CTBP2: variants seen among roughly 807,000 people sequenced by gnomAD.
CTBP2 encodes C-terminal binding protein 2, also known as C-terminal-binding protein 2.
CTBP2 carries 30 observed loss-of-function variants against 80.3 expected under a neutral mutation model. The observed-to-expected ratio is 0.37, with a 90% confidence interval of 0.28 to 0.51. The LOEUF is 0.51. CTBP2 is among the 20% of genes least tolerant of loss of function. CTBP2 has a pLI of 0.93. For synonymous variants in CTBP2, 594 were observed against 587.4 expected, an observed-to-expected ratio of 1.01 and a Z score of -0.16; for missense variants, 1,212 against 1,375.3, an observed-to-expected ratio of 0.88 and a Z score of 1.88.
intron 2 of CTBP2, among the ~76,000 whole-genome samples, chr10:125,106,250 C>T (rs1851436569): frequency 7.0e-6 from 1 of 143,746 alleles, no homozygotes; most frequent in Non-Finnish European, 1.5e-5. Context: ...CCTCCCACAA[C>T]CCTGGGTGTG....
intron 1 of CTBP2, among the ~76,000 whole-genome samples, chr10:125,117,373 C>T (rs987307586): frequency 6.6e-6 from 1 of 152,158 alleles, no homozygotes. Flanking sequence ...CCACCGAGCA[C>T]CACACAGTGG....
chr10:125,010,143 G>C (rs1204653336), intron 1 of CTBP2, among the ~76,000 whole-genome samples: 1 of 151,520 alleles, frequency 6.6e-6, no homozygotes, highest in Non-Finnish European at 1.5e-5. Context: ...GCTGATGAGC[G>C]GGTGGCTCCG....
chr10:125,104,758 G>A (rs765391163), intron 2 of CTBP2, among the ~76,000 whole-genome samples: 1 of 152,230 alleles, frequency 6.6e-6, no homozygotes, highest in Non-Finnish European at 1.5e-5. Flanking sequence ...CGACCAAGAA[G>A]ACTTTATTTT....
At chr10:125,024,155 T>C (rs1957320351) in intron 1 of CTBP2, among the ~76,000 whole-genome samples, 1 of 152,188 alleles carries the variant, frequency 6.6e-6, no homozygotes, top group East Asian at 1.9e-4. Flanking sequence ...GCGGATTCTG[T>C]GGAACCTACT....
chr10:125,001,612 C>A (rs542103693), intron 3 of CTBP2: 1 of 152,340 alleles, frequency 6.6e-6, no homozygotes, highest in Non-Finnish European at 1.5e-5. Context: ...CTTCCAGGAC[C>A]CTAAGGGGTG....
chr10:125,039,152 A>G (rs749088057), exon 3 of CTBP2: 24 of 1,001,284 alleles, frequency 2.4e-5, no homozygotes, highest in Non-Finnish European at 3.5e-5. Flanking sequence ...CGCCACTATG[A>G]ACCCTGAAAC....
chr10:125,091,700 T>C (rs985308520), intron 2 of CTBP2, among the ~76,000 whole-genome samples: 1 of 151,998 alleles, frequency 6.6e-6, no homozygotes, highest in Admixed American at 6.6e-5. Flanking sequence ...AGCCCGGAGG[T>C]CAAGACTGCT....
chr10:125,088,794 C>G (rs1454472416), intron 2 of CTBP2, among the ~76,000 whole-genome samples: 4 of 152,190 alleles, frequency 2.6e-5, no homozygotes, highest in Non-Finnish European at 4.4e-5. Context: ...CCACTTCTCA[C>G]CACTGTGTAA....
chr10:125,098,407 G>A (rs1849884011), intron 2 of CTBP2, among the ~76,000 whole-genome samples: 1 of 152,060 alleles, frequency 6.6e-6, no homozygotes. Flanking sequence ...GTAATATCAA[G>A]AGAATACACG....
At chr10:125,087,809 G>A (rs1334858089) in intron 2 of CTBP2, among the ~76,000 whole-genome samples, 1 of 152,218 alleles carries the variant, frequency 6.6e-6, no homozygotes, top group African/African-American at 2.4e-5. Flanking sequence ...CTCTCTCACT[G>A]GTGGACAGCT....
In CTBP2 at chr10:125,111,366, G is replaced by A. The variant is rs570055735; in HGVS notation, c.-205-273C>T. Among the ~76,000 whole-genome samples the A allele has an allele frequency of 3.9e-5, 6 of 152,320 alleles. No homozygotes were observed. In the East Asian group the frequency reaches 5.8e-4, roughly 15 times the overall value. ...CAGAAGGTGATATTGTGTCATCACC[G>A]TGAAAATGTCATTTAGCTTTCTCTA... On this transcript the variant is annotated intron_variant, in intron 1 of 10. Coordinates refer to the CTBP2 transcript ENST00000337195.
At chr10:125,049,016 C>T (rs1333270786) in intron 2 of CTBP2, among the ~76,000 whole-genome samples, 3 of 150,492 alleles carry the variant, frequency 2.0e-5, no homozygotes, top group East Asian at 2.0e-4. Flanking sequence ...TTAATGTGCT[C>T]TCTGGCCTCA....
rs3781406 is a variant in CTBP2 at position 125,027,571 on chromosome 10, G to A, written c.189C>T (p.Pro63=). ...GGTACAGGTAGGGCTCGGCGGCCACGGGCAGGGCAGCGTCCTGTGGTCGGT... is the reference window on the plus strand; with the variant it reads ...GGTACAGGTAGGGCTCGGCGGCCACAGGCAGGGCAGCGTCCTGTGGTCGGT... Residue 63 remains proline, a synonymous_variant, in exon 1 of 9, where the codon CCC becomes CCT. Transcript: ENST00000309035. 1,809 of 1,614,070 alleles carry A rather than the reference G, an allele frequency of 1.1e-3. 50 individuals carry two copies. In the East Asian group the frequency reaches 0.037, roughly 33 times the overall value.
At chr10:125,126,923 ATTCTCTCTCT>A (rs1564984007) in intron 1 of CTBP2, among the ~76,000 whole-genome samples, 2 of 132,678 alleles carry the variant, frequency 1.5e-5, no homozygotes, top group African/African-American at 3.3e-5. Context: ...ACACACACAC[ATTCTCTCTCT>A]CTCTCTCTCT....
chr10:125,021,259 A>G (rs2134580774), intron 1 of CTBP2, among the ~76,000 whole-genome samples: 1 of 152,276 alleles, frequency 6.6e-6, no homozygotes, highest in Middle Eastern at 3.4e-3. Context: ...TTCTCTGCTC[A>G]CTGCTCTCCC....
intron 3 of CTBP2, among the ~76,000 whole-genome samples, chr10:125,033,255 G>A (rs1958451405): frequency 6.6e-6 from 1 of 152,142 alleles, no homozygotes; most frequent in African/African-American, 2.4e-5. Flanking sequence ...CTCCCCTCTC[G>A]GCATCTTCAC....
intron 1 of CTBP2, among the ~76,000 whole-genome samples, chr10:125,138,680 AAAAC>A (rs1457068924): frequency 6.6e-6 from 1 of 152,104 alleles, no homozygotes; most frequent in Non-Finnish European, 1.5e-5. Context: ...AAAAAAAAAA[AAAAC>A]AGACCAGCAA....
In CTBP2 at chr10:124,985,899, T is replaced by G. The variant is rs1311207080; in HGVS notation, c.*3619A>C. 8.6e-6 allele frequency: 1 copy of G among 115,992 alleles called. No individual in the cohort carries two copies. The highest frequency in any genetic ancestry group is 2.6e-5 in the African/African-American group (1 of 38,346). 7.2% of individuals were successfully genotyped at this position (115,992 alleles called of 1,614,324 possible). On this transcript the variant is annotated 3_prime_UTR_variant, in exon 9 of 9. Transcript: ENST00000309035. ...TGCCAGAGGGTCTTCGGATTCTTCC[T>G]TCTATCACCTCTGCTCTAAGCAAAT...
At position 125,003,487 on chromosome 10, in the gene CTBP2, G is replaced by A. The variant is rs1954816990; in HGVS notation, c.1684C>T (p.Arg562Cys). 9 of 1,561,840 alleles carry A rather than the reference G, an allele frequency of 5.8e-6. No individual in the cohort carries two copies. Among genetic ancestry groups the A allele is most frequent in the Non-Finnish European group, 7.8e-6 (9 of 1,158,282 alleles). ...AGGGGGCCGTTCATGATCTGGGGGCGGATACCTGCCAGGAGGGAAGGGGTG... is the reference window on the plus strand; with the variant it reads ...AGGGGGCCGTTCATGATCTGGGGGCAGATACCTGCCAGGAGGGAAGGGGTG... Residue 562 changes from arginine to cysteine, a missense_variant, in exon 2 of 9, where the codon CGC (arginine) becomes TGC (cysteine). Physicochemically the swap from Arg to Cys is radical, Grantham distance 180. This residue lies in a region of CTBP2 where 29 missense variants were observed against 88.3 expected (regional missense o/e 0.33). Transcript: ENST00000309035.
Sources: gnomAD v4.1 joint callset for allele counts (sites outside exome capture counted in the v4.1 genomes callset) on GRCh38, gnomAD v4.1.1 for gene constraint, gnomAD v4.1.1 regional missense constraint, MANE v1.5 for transcripts, NCBI Gene and HGNC (gene_info 2026-07-23, HGNC 2026-07-21) for gene names.